GLRA2: variants seen among roughly 807,000 people sequenced by gnomAD.
The protein encoded by GLRA2 is glycine receptor subunit alpha-2.
A neutral mutation model predicts 31.6 loss-of-function variants in GLRA2; 11 were observed. That is an observed-to-expected ratio of 0.35 (90% CI 0.22 to 0.58). The LOEUF is 0.58. Among genes scored for constraint, GLRA2 ranks in the 20% least tolerant of loss-of-function variants. The pLI is 0.84. For synonymous variants in GLRA2, 132 were observed against 134.0 expected, an observed-to-expected ratio of 0.99 and a Z score of 0.10; for missense variants, 212 against 351.8, an observed-to-expected ratio of 0.60 and a Z score of 3.18.
At chrX:14,713,196 T>A (rs890680999) in intron 8 of GLRA2, among the ~76,000 whole-genome samples, 2 of 112,138 alleles carry the variant, frequency 1.8e-5, no homozygotes, top group Non-Finnish European at 3.8e-5. Context: ...ACTGATGCTG[T>A]TATTATTGTT....
chrX:14,690,675 C>G, intron 7 of GLRA2, 35 bp from the exon 8 acceptor site: 1 of 942,634 alleles, frequency 1.1e-6, no homozygotes, highest in Non-Finnish European at 1.5e-6. Flanking sequence ...CTCTCTCTCT[C>G]TCTGTGTGTG....
intron 7 of GLRA2, among the ~76,000 whole-genome samples, chrX:14,678,928 C>T (rs745888990): frequency 9.0e-6 from 1 of 111,451 alleles, no homozygotes; most frequent in Non-Finnish European, 1.9e-5. Flanking sequence ...TCTAAGGTGG[C>T]TGCAGAAGGT....
chrX:14,629,549 T>G, intron 7 of GLRA2, among the ~76,000 whole-genome samples: 1 of 111,457 alleles, frequency 9.0e-6, no homozygotes, highest in Non-Finnish European at 1.9e-5. Flanking sequence ...AAAACACCAC[T>G]CAGGGGTTTT....
the GLRA2 span, among the ~76,000 whole-genome samples, chrX:14,491,659 C>T: frequency 9.0e-6 from 1 of 111,329 alleles, no homozygotes; most frequent in Non-Finnish European, 1.9e-5. Flanking sequence ...AACAAGCTCC[C>T]AGGTGATGTG....
At chrX:14,530,984 T>C in intron 1 of GLRA2, 1 of 869,857 alleles carries the variant, frequency 1.1e-6, no homozygotes. Context: ...CCAAGATAAA[T>C]GGAACACATA....
intron 8 of GLRA2, 65 bp from the exon 9 acceptor site, chrX:14,730,142 T>C: frequency 1.2e-6 from 1 of 846,108 alleles, no homozygotes; most frequent in Non-Finnish European, 1.7e-6. Flanking sequence ...CTAAAGAATT[T>C]TAAGCATCTT....
At chrX:14,509,248 T>G in the GLRA2 span, among the ~76,000 whole-genome samples, 1 of 112,640 alleles carries the variant, frequency 8.9e-6, no homozygotes, top group African/African-American at 3.2e-5. Context: ...GAAATTTGAT[T>G]CTAAAAATTC....
intron 7 of GLRA2, among the ~76,000 whole-genome samples, chrX:14,670,009 C>G (rs1221127153): frequency 4.5e-5 from 5 of 112,108 alleles, no homozygotes; most frequent in Non-Finnish European, 7.5e-5. Context: ...TTAACCACAC[C>G]GAAGTCACCT....
At chrX:14,607,334 A>G (rs2147094807) in intron 6 of GLRA2, 66 bp downstream of exon 6, 1 of 870,397 alleles carries the variant, frequency 1.1e-6, no homozygotes, top group Non-Finnish European at 1.6e-6. Context: ...AGTTTGGAGT[A>G]TACATCTCAT....
At chrX:14,699,546 T>C (rs907298525) in intron 8 of GLRA2, among the ~76,000 whole-genome samples, 2 of 112,746 alleles carry the variant, frequency 1.8e-5, no homozygotes, top group East Asian at 2.8e-4. Context: ...GGATAATTAC[T>C]GTATCAATCA....
chrX:14,511,992 A>G, the GLRA2 span, among the ~76,000 whole-genome samples: 9 of 111,902 alleles, frequency 8.0e-5, no homozygotes, highest in East Asian at 5.6e-4. Context: ...ACCATGTGCC[A>G]TAGCCGCACA....
the GLRA2 span, among the ~76,000 whole-genome samples, chrX:14,451,174 T>C: frequency 8.9e-5 from 10 of 111,907 alleles, no homozygotes; most frequent in African/African-American, 3.2e-4. Context: ...AAAAGAACAT[T>C]TGCTGCCATA....
intron 7 of GLRA2, among the ~76,000 whole-genome samples, chrX:14,682,978 CT>C (rs1352585080): frequency 1.8e-5 from 2 of 111,520 alleles, no homozygotes; most frequent in African/African-American, 6.5e-5. Flanking sequence ...GGTTCCAAGT[CT>C]TTGCTATTGT....
At chrX:14,649,176 T>C (rs1403363602) in intron 7 of GLRA2, among the ~76,000 whole-genome samples, 2 of 109,524 alleles carry the variant, frequency 1.8e-5, no homozygotes, top group Non-Finnish European at 3.8e-5. Flanking sequence ...ATCGCGCCAC[T>C]GCACTCCAGC....
At chrX:14,490,625 A>T in the GLRA2 span, among the ~76,000 whole-genome samples, 1 of 111,949 alleles carries the variant, frequency 8.9e-6, no homozygotes, top group African/African-American at 3.2e-5. Flanking sequence ...TCTTGGTAAC[A>T]ACTAGGAGGA....
intron 3 of GLRA2, among the ~76,000 whole-genome samples, chrX:14,575,372 T>C (rs1057422086): frequency 3.6e-5 from 4 of 110,049 alleles, no homozygotes; most frequent in Non-Finnish European, 7.6e-5. Context: ...AGCTAACTTT[T>C]GTATTTTTGT....
At chrX:14,604,520 A>C in intron 5 of GLRA2, 123 bp downstream of exon 5, 18 of 352,880 alleles carry the variant, frequency 5.1e-5, no homozygotes, top group East Asian at 2.2e-4. Context: ...AACCCCCAAC[A>C]TCCTAATGGA....
chrX:14,464,158 T>C, the GLRA2 span, among the ~76,000 whole-genome samples: 2 of 112,553 alleles, frequency 1.8e-5, no homozygotes, highest in Non-Finnish European at 3.7e-5. Flanking sequence ...CTGATGATTG[T>C]TTTCTTTGAT....
intron 8 of GLRA2, among the ~76,000 whole-genome samples, chrX:14,713,009 A>T (rs955570160): frequency 4.5e-5 from 5 of 112,210 alleles, no homozygotes; most frequent in Non-Finnish European, 7.5e-5. Flanking sequence ...CCTTAGGCAG[A>T]TGCCTAAGGA....
Sources: allele counts gnomAD v4.1 joint callset (sites outside exome capture counted in the v4.1 genomes callset), GRCh38; gene constraint gnomAD v4.1.1; transcripts MANE v1.5; gene names NCBI Gene and HGNC (gene_info 2026-07-23, HGNC 2026-07-21).